Variants in PIGY observed in about 807,000 individuals in gnomAD.
The protein encoded by PIGY is phosphatidylinositol N-acetylglucosaminyltransferase subunit Y.
Under a neutral mutation model 4.1 loss-of-function variants are expected in PIGY, and 3 were observed. The ratio of observed to expected loss-of-function variants is 0.73; its 90% CI spans 0.33 to 1.89. The LOEUF (loss-of-function observed/expected upper bound fraction) is 1.89. Ranked by LOEUF, PIGY falls within the 40% of genes most tolerant of loss-of-function variation. The pLI is 0.08. For missense variants in PIGY, 78 were observed against 80.3 expected, an observed-to-expected ratio of 0.97 and a Z score of 0.11; for synonymous variants, 33 against 31.4, an observed-to-expected ratio of 1.05 and a Z score of -0.18.
In PIGY at chr4:88,521,742, A is replaced by G. The variant is rs1470820844; in HGVS notation, c.48T>C (p.Ser16=). ...AGGCTGAGTAGAACAGTCCTGCTAA[A>G]GAAACCAGTGGAATAAGAACAGTCA... ...PTLTVLIPLV[S]LAGLFYSASV... The change falls in exon 2 of 2, where the codon TCT becomes TCC. Residue 16 remains serine (S), a synonymous_variant. Coordinates refer to ENST00000527353, the MANE Select transcript of PIGY (RefSeq NM_001042616.3). 6 of 1,613,748 alleles carry G rather than the reference A, an allele frequency of 3.7e-6. No individual in the cohort carries two copies. The East Asian group carries it at 1.3e-4, about 36-fold the overall frequency.
Position 88,522,026 on chromosome 4 carries a change from A to C in PIGY, c.-237T>G. 1 of 1,530,172 alleles carries C rather than the reference A, an allele frequency of 6.5e-7. No homozygotes were observed. The highest frequency in any genetic ancestry group is 1.4e-5 in the African/African-American group (1 of 71,890). 94.8% of individuals were successfully genotyped at this position (1,530,172 alleles called of 1,614,324 possible). ...TAATCAATTCGTTTGTTGATGCTTC[A>C]TATCTGAGGTGGAAAAAAAAAGAAC... is the stretch of plus-strand genomic sequence containing the variant. On this transcript the variant is annotated 5_prime_UTR_variant, in exon 2 of 2. An upstream start codon of the reference 5' UTR is lost. Coordinates refer to ENST00000527353, the MANE Select transcript of PIGY (RefSeq NM_001042616.3).
Position 88,522,039 on chromosome 4 carries a change from A to G in PIGY, c.-240-10T>C, listed in dbSNP as rs1578077274. 3 of 1,493,244 alleles carry G rather than the reference A, an allele frequency of 2.0e-6. No individual in the cohort carries two copies. The highest frequency in any genetic ancestry group is 1.8e-6 in the Non-Finnish European group (2 of 1,118,194). The allele number at this position is 1,493,244 out of a possible 1,614,324, so 92.5% of individuals were successfully genotyped here. A position where few individuals can be genotyped will look rare whatever the true frequency, so the allele number is the denominator to read the frequency against. The stretch of plus-strand genomic sequence containing the variant: ...TGTTGATGCTTCATATCTGAGGTGG[A>G]AAAAAAAAGAACAAAATGAGTTGTG... On this transcript the variant is annotated splice_polypyrimidine_tract_variant and intron_variant, in intron 1 of 1. Coordinates refer to ENST00000527353, the MANE Select transcript of PIGY (RefSeq NM_001042616.3).
In PIGY at chr4:88,521,423, G is replaced by C. The variant is rs995217751; in HGVS notation, c.*151C>G. ...GCAGAACAAGAGTACAATAAAAGAA[G>C]CATCTGCAACTTAAGCCTCCCACAG... On this transcript the variant is annotated 3_prime_UTR_variant, in exon 2 of 2. Transcript: ENST00000527353. 6.1e-6 allele frequency: 4 copies of C among 651,492 alleles called. No individual in the cohort carries two copies. In the South Asian group the frequency reaches 8.3e-5, roughly 14 times the overall value. 40.4% of individuals were successfully genotyped at this position (651,492 alleles called of 1,614,324 possible). A position where few individuals can be genotyped will look rare whatever the true frequency, so the allele number is the denominator to read the frequency against.
intron 1 of PIGY, among the ~76,000 whole-genome samples, chr4:88,522,846 T>C (rs1230128829): frequency 1.3e-5 from 2 of 152,196 alleles, no homozygotes; most frequent in South Asian, 2.1e-4. Context: ...CAGGCACCAG[T>C]TGTACAAGAC....
Position 88,521,731 on chromosome 4 carries a change from A to G in PIGY, c.59T>C (p.Leu20Pro). 6.2e-7 allele frequency: 1 copy of G among 1,613,880 alleles called. No individual in the cohort carries two copies. The highest frequency in any genetic ancestry group is 8.5e-7 in the Non-Finnish European group (1 of 1,179,846). The change falls in exon 2 of 2, where the codon CTG becomes CCG. Residue 20 changes from leucine (L) to proline (P), a missense_variant. Leu to Pro is a moderately conservative substitution (Grantham distance 98). Transcript: ENST00000527353. Reference protein sequence around the residue: ...VLIPLVSLAGLFYSASVEENF... With the variant: ...VLIPLVSLAGPFYSASVEENF... ...TTCTTCCACAGAGGCTGAGTAGAAC[A>G]GTCCTGCTAAAGAAACCAGTGGAAT...
rs1242556425 is a variant in PIGY at position 88,521,375 on chromosome 4, G to A, written c.*199C>T. On this transcript the variant is annotated 3_prime_UTR_variant, in exon 2 of 2. Coordinates refer to ENST00000527353, the MANE Select transcript of PIGY (RefSeq NM_001042616.3). The stretch of plus-strand genomic sequence containing the variant: ...GTTTCTTCTGATACAGCAGTTATAA[G>A]TCAGAGCCTTCAAAAAACAAGGGCA... The A allele has an allele frequency of 5.3e-6, 3 of 569,038 alleles. No homozygotes were observed. Among genetic ancestry groups the A allele is most frequent in the Non-Finnish European group, 6.2e-6 (2 of 322,222 alleles). 35.2% of individuals were successfully genotyped at this position (569,038 alleles called of 1,614,324 possible).
rs749942871 is a variant in PIGY at position 88,521,559 on chromosome 4, T to C, written c.*15A>G. The C allele has an allele frequency of 1.9e-6, 3 of 1,572,532 alleles. No individual in the cohort carries two copies. Among genetic ancestry groups the C allele is most frequent in the African/African-American group, 2.7e-5 (2 of 74,020 alleles). On this transcript the variant is annotated 3_prime_UTR_variant, in exon 2 of 2. Coordinates refer to ENST00000527353, the MANE Select transcript of PIGY (RefSeq NM_001042616.3). ...AGCTATCATTAATATATACAGCATA[T>C]TGACTCTAGTTGCATCAATTATGCC...
chr4:88,522,174 T>G, intron 1 of PIGY, 145 bp from the exon 2 acceptor site: 1 of 671,026 alleles, frequency 1.5e-6, no homozygotes, highest in Admixed American at 3.5e-5. Flanking sequence ...AAAGCAACAA[T>G]AGCCAATTCA....
At position 88,521,764 on chromosome 4, in the gene PIGY, G is replaced by A. The variant is rs1404700621; in HGVS notation, c.26C>T (p.Thr9Ile). The change falls in exon 2 of 2, where the codon ACT (threonine) becomes ATT (isoleucine). Residue 9 changes from threonine to isoleucine, a missense_variant. Coordinates refer to ENST00000527353, the MANE Select transcript of PIGY (RefSeq NM_001042616.3). ...TAAAGAAACCAGTGGAATAAGAACA[G>A]TCAACGTAGGAAGAGACAGAAACAT... is the stretch of plus-strand genomic sequence containing the variant. MFLSLPTL[T>I]VLIPLVSLAG... The A allele has an allele frequency of 1.9e-6, 3 of 1,613,180 alleles. No individual in the cohort carries two copies. Among genetic ancestry groups the A allele is most frequent in the Non-Finnish European group, 2.5e-6 (3 of 1,179,558 alleles).
Position 88,521,835 on chromosome 4 carries a change from T to C in PIGY, c.-46A>G, listed in dbSNP as rs1284754742. ...CTGCCACTGTGTTTTAAAAGGTATA[T>C]GGTATTAAGAAAAGTTGGCTGTTGC... is the stretch of plus-strand genomic sequence containing the variant. On this transcript the variant is annotated 5_prime_UTR_variant, in exon 2 of 2. Transcript: ENST00000527353. The C allele has an allele frequency of 6.3e-7, 1 of 1,580,432 alleles. No individual in the cohort carries two copies. The highest frequency in any genetic ancestry group is 2.3e-5 in the East Asian group (1 of 43,848).
chr4:88,521,815 A>G lies in PIGY; in HGVS notation c.-26T>C. 1 of 1,597,570 alleles carries G rather than the reference A, an allele frequency of 6.3e-7. No homozygotes were observed. On this transcript the variant is annotated 5_prime_UTR_variant, in exon 2 of 2. Coordinates refer to ENST00000527353, the MANE Select transcript of PIGY (RefSeq NM_001042616.3). The stretch of plus-strand genomic sequence containing the variant: ...TCTTCTCTTCCACTTATTACCTGCC[A>G]CTGTGTTTTAAAAGGTATATGGTAT...
chr4:88,522,038 G>GAA lies in PIGY; in HGVS notation c.-240-11_-240-10dup. The stretch of plus-strand genomic sequence containing the variant: ...TTGTTGATGCTTCATATCTGAGGTG[G>GAA]AAAAAAAAAGAACAAAATGAGTTGT... On this transcript the variant is annotated splice_polypyrimidine_tract_variant and intron_variant, in intron 1 of 1. Transcript: ENST00000527353. 2 of 1,483,092 alleles carry GAA rather than the reference G, an allele frequency of 1.3e-6. No individual in the cohort carries two copies. The highest frequency in any genetic ancestry group is 1.8e-6 in the Non-Finnish European group (2 of 1,113,092). 91.9% of individuals were successfully genotyped at this position (1,483,092 alleles called of 1,614,324 possible). A position where few individuals can be genotyped will look rare whatever the true frequency, so the allele number is the denominator to read the frequency against.
Position 88,521,599 on chromosome 4 carries a change from C to T in PIGY, c.191G>A (p.Gly64Asp). 6.2e-7 allele frequency: 1 copy of T among 1,612,884 alleles called. No individual in the cohort carries two copies. Among genetic ancestry groups the T allele is most frequent in the Non-Finnish European group, 8.5e-7 (1 of 1,178,930 alleles). Residue 64 changes from glycine (G) to aspartate (D), a missense_variant, in exon 2 of 2, where the codon GGT (glycine) becomes GAT (aspartate). Physicochemically the swap from Gly to Asp is moderately conservative, Grantham distance 94. Coordinates refer to ENST00000527353, the MANE Select transcript of PIGY (RefSeq NM_001042616.3). ...TCAATTATGCCTGAAGAGTTTAATA[C>T]CCATCCAAGTCCAAAGGTGGAAGAA... ...YVFFHLWTWM[G>D]IKLFRHN
rs1377584797 is a variant in PIGY at position 88,523,559 on chromosome 4, G to C, written c.-302C>G. The C allele has an allele frequency of 3.0e-5, 46 of 1,550,798 alleles. No homozygotes were observed. In the East Asian group the frequency reaches 9.5e-4, roughly 32 times the overall value. Reference sequence around the variant, plus strand: ...TCCAGCAGCGCCGGATCGAAGTCGCGGGGCGGCTCCTCAGTCTTCTTGCCC... The same window carrying C: ...TCCAGCAGCGCCGGATCGAAGTCGCCGGGCGGCTCCTCAGTCTTCTTGCCC... On this transcript the variant is annotated 5_prime_UTR_variant, in exon 1 of 2. Transcript: ENST00000527353.
rs1193974265 is a variant in PIGY at position 88,523,738 on chromosome 4, G to T, written c.-481C>A. On this transcript the variant is annotated 5_prime_UTR_variant, in exon 1 of 2. Coordinates refer to ENST00000527353, the MANE Select transcript of PIGY (RefSeq NM_001042616.3). ...GGAGACCAGGCCTCACCGCAGCCTCGCCACCCGTGGCCGAGCTCCCGGCTT... is the reference window on the plus strand; with the variant it reads ...GGAGACCAGGCCTCACCGCAGCCTCTCCACCCGTGGCCGAGCTCCCGGCTT... 1 of 1,398,504 alleles carries T rather than the reference G, an allele frequency of 7.2e-7. No individual in the cohort carries two copies. Among genetic ancestry groups the T allele is most frequent in the Admixed American group, 3.3e-5 (1 of 30,566 alleles). The allele number at this position is 1,398,504 out of a possible 1,614,324, so 86.6% of individuals were successfully genotyped here.
chr4:88,523,485 G>C lies in PIGY; in HGVS notation c.-241+13C>G. On this transcript the variant is annotated intron_variant, in intron 1 of 1. Transcript: ENST00000527353. ...GGGAGGCTGCAAAGGAAGGGCCAAG[G>C]CCAGCGAGTTACCTGAGCGGCTTCT... The C allele has an allele frequency of 1.3e-6, 2 of 1,551,062 alleles. No individual in the cohort carries two copies. The highest frequency in any genetic ancestry group is 1.4e-5 in the African/African-American group (1 of 73,168).
At chr4:88,522,143 G>T in intron 1 of PIGY, 114 bp from the exon 2 acceptor site, 1 of 909,274 alleles carries the variant, frequency 1.1e-6, no homozygotes. Context: ...GTTAATCCCA[G>T]AATAGTCTTC....
Position 88,521,608 on chromosome 4 carries a change from G to A in PIGY, c.182C>T (p.Thr61Ile), listed in dbSNP as rs778222227. 2 of 1,613,690 alleles carry A rather than the reference G, an allele frequency of 1.2e-6. No homozygotes were observed. The highest frequency in any genetic ancestry group is 2.2e-5 in the South Asian group (2 of 91,076). Residue 61 changes from threonine to isoleucine, a missense_variant, in exon 2 of 2, where the codon ACT becomes ATT. Physicochemically the swap from Thr to Ile is moderately conservative, Grantham distance 89 (BLOSUM62 -1). Coordinates refer to ENST00000527353, the MANE Select transcript of PIGY (RefSeq NM_001042616.3). The part of the protein sequence containing the change: ...IPVYVFFHLW[T>I]WMGIKLFRHN ...CCTGAAGAGTTTAATACCCATCCAA[G>A]TCCAAAGGTGGAAGAATACATACAC...
In PIGY at chr4:88,523,462, G is replaced by C. The variant is rs1228402372; in HGVS notation, c.-241+36C>G. The C allele has an allele frequency of 1.9e-6, 3 of 1,548,906 alleles. No homozygotes were observed. In the South Asian group the frequency reaches 3.6e-5, roughly 18 times the overall value. On this transcript the variant is annotated intron_variant, in intron 1 of 1. Coordinates refer to ENST00000527353, the MANE Select transcript of PIGY (RefSeq NM_001042616.3). ...CCACCGCTCCCTTTCCGCCCACCGG[G>C]AGGCTGCAAAGGAAGGGCCAAGGCC... is the stretch of plus-strand genomic sequence containing the variant.
Sources: gnomAD v4.1 joint callset for allele counts (sites outside exome capture counted in the v4.1 genomes callset) on GRCh38, gnomAD v4.1.1 for gene constraint, MANE v1.5 for transcripts, NCBI Gene and HGNC (gene_info 2026-07-23, HGNC 2026-07-21) for gene names.